TFRC: variants seen among roughly 807,000 people sequenced by gnomAD.
TFRC encodes the protein transferrin receptor protein 1.
TFRC carries 35 observed loss-of-function variants against 85.8 expected under a neutral mutation model. The ratio of observed to expected loss-of-function variants is 0.41; its 90% confidence interval spans 0.31 to 0.54. TFRC has a LOEUF of 0.54. TFRC is among the 20% of genes least tolerant of loss of function. The probability of loss-of-function intolerance (pLI) is 0.31; values close to 1 mark genes in which losing one functional copy is unlikely to be tolerated. For missense variants in TFRC, 828 were observed against 921.5 expected, an observed-to-expected ratio of 0.90 and a Z score of 1.31; for synonymous variants, 362 against 328.6, an observed-to-expected ratio of 1.10 and a Z score of -1.10.
intron 14 of TFRC, 96 bp from the exon 15 acceptor site, chr3:196,058,728 A>G: frequency 1.3e-6 from 1 of 762,758 alleles, no homozygotes; most frequent in Non-Finnish European, 2.0e-6. Flanking sequence ...TTTTAAATAA[A>G]AAACTTGTAT....
rs1426795526 is a variant in TFRC at position 196,052,200 on chromosome 3, A to G, written c.2041-16T>C. 6.2e-7 allele frequency: 1 copy of G among 1,611,090 alleles called. No individual in the cohort carries two copies. The highest frequency in any genetic ancestry group is 8.5e-7 in the Non-Finnish European group (1 of 1,178,292). On this transcript the variant is annotated splice_polypyrimidine_tract_variant and intron_variant, in intron 18 of 18. Coordinates refer to ENST00000360110, the MANE Select transcript of TFRC (RefSeq NM_001128148.3). Reference sequence around the variant, plus strand: ...GATACTCCACCTACGAAAACAACACACAAGGCAATTTACACAGCCCTGTGA... The same window carrying G: ...GATACTCCACCTACGAAAACAACACGCAAGGCAATTTACACAGCCCTGTGA...
intron 18 of TFRC, 24 bp from the exon 19 acceptor site, chr3:196,052,208 AT>A: frequency 6.2e-7 from 1 of 1,609,736 alleles, no homozygotes; most frequent in Non-Finnish European, 8.5e-7. Flanking sequence ...ACACAAGGCA[AT>A]TTACACAGCC....
intron 17 of TFRC, among the ~76,000 whole-genome samples, chr3:196,054,003 G>A (rs1453104182): frequency 6.6e-6 from 1 of 151,814 alleles, no homozygotes; most frequent in Non-Finnish European, 1.5e-5. Context: ...TTGGGAGGCC[G>A]AGGTGGGTGG....
chr3:196,055,054 A>C (rs1716655495), intron 17 of TFRC, 26 bp downstream of exon 17: 1 of 1,605,652 alleles, frequency 6.2e-7, no homozygotes, highest in African/African-American at 1.3e-5. Flanking sequence ...CAGCAAAATA[A>C]AAACGTAATT....
At chr3:196,072,938 A>C (rs147803635) in intron 4 of TFRC, 1 of 150,868 alleles carries the variant, frequency 6.6e-6, no homozygotes, top group East Asian at 2.0e-4. Context: ...GCAGTGCCTC[A>C]TCCTGTAATT....
intron 5 of TFRC, 105 bp from the exon 6 acceptor site, chr3:196,071,603 TC>T: frequency 8.8e-7 from 1 of 1,139,442 alleles, no homozygotes. Context: ...GAAATTTACC[TC>T]TAAATCTTAA....
rs41297483 is a variant in TFRC, at chr3:196,060,723, G to A, written c.1469-476C>T. 64 of 148,738 alleles carry A rather than the reference G, an allele frequency of 4.3e-4. No individual in the cohort carries two copies. The East Asian group carries it at 5.2e-3, about 12-fold the overall frequency. The allele number at this position is 148,738 out of a possible 1,614,324, so 9.2% of individuals were successfully genotyped here. A position where few individuals can be genotyped will look rare whatever the true frequency, so the allele number is the denominator to read the frequency against. On this transcript the variant is annotated intron_variant, in intron 13 of 18. Transcript: ENST00000360110. ...TGAGGCAGGAGAATGGCATGAACCC[G>A]GGAGGCGGAGCTTGCAGTGAGCTGG...
intron 2 of TFRC, among the ~76,000 whole-genome samples, chr3:196,076,337 C>CT (rs1718695092): frequency 6.6e-6 from 1 of 151,722 alleles, no homozygotes; most frequent in African/African-American, 2.4e-5. Flanking sequence ...TAGAGATGGG[C>CT]TTGCTATGTT....
chr3:196,077,616 G>T (rs891473884), intron 1 of TFRC, among the ~76,000 whole-genome samples: 2 of 152,200 alleles, frequency 1.3e-5, no homozygotes, highest in Middle Eastern at 3.4e-3. Context: ...GCCGGACGTG[G>T]TGGTGGGCGC....
chr3:196,065,435 G>GGGGGGGGGGTT lies in TFRC; in HGVS notation c.1198+7_1198+8insAACCCCCCCCC. 2 of 655,700 alleles carry GGGGGGGGGGTT rather than the reference G, an allele frequency of 3.1e-6. No individual in the cohort carries two copies. Among genetic ancestry groups the GGGGGGGGGGTT allele is most frequent in the Non-Finnish European group, 4.3e-6 (2 of 463,128 alleles). 40.6% of individuals were successfully genotyped at this position (655,700 alleles called of 1,614,324 possible). A position where few individuals can be genotyped will look rare whatever the true frequency, so the allele number is the denominator to read the frequency against. On this transcript the variant is annotated splice_region_variant and intron_variant, in intron 10 of 18. Transcript: ENST00000360110. ...AGCGGGGCGGGGGGGGGGGGGGGCG[G>GGGGGGGGGGTT]TCTTTACCTGGTTCTACAAAGCCTT...
Position 196,052,168 on chromosome 3 carries a change from A to G in TFRC, c.2057T>C (p.Leu686Pro). 1 of 1,613,968 alleles carries G rather than the reference A, an allele frequency of 6.2e-7. No homozygotes were observed. Among genetic ancestry groups the G allele is most frequent in the Non-Finnish European group, 8.5e-7 (1 of 1,179,914 alleles). ...DRVMRVEYHF[L>P]SPYVSPKESP... is the part of the protein sequence containing the mutation. ...CTCTTTTGGAGATACGTAGGGAGAG[A>G]GGAAGTGATACTCCACCTACGAAAA... is the stretch of plus-strand genomic sequence containing the variant. Residue 686 changes from leucine (L) to proline (P), a missense_variant, in exon 19 of 19, where the codon CTC becomes CCC. Leu to Pro is a moderately conservative substitution (Grantham distance 98). Transcript: ENST00000360110.
chr3:196,054,330 G>A (rs1051295289), intron 17 of TFRC, among the ~76,000 whole-genome samples: 3 of 152,166 alleles, frequency 2.0e-5, no homozygotes, highest in African/African-American at 4.8e-5. Flanking sequence ...GCTTAAAGCC[G>A]GGAGGTGGAG....
intron 10 of TFRC, among the ~76,000 whole-genome samples, chr3:196,065,101 A>G (rs1717603301): frequency 6.6e-6 from 1 of 152,022 alleles, no homozygotes; most frequent in Admixed American, 6.6e-5. Context: ...TGTCTCTACT[A>G]AAAATACAAA....
intron 16 of TFRC, among the ~76,000 whole-genome samples, chr3:196,056,639 T>A (rs990101046): frequency 6.6e-6 from 1 of 152,110 alleles, no homozygotes; most frequent in Non-Finnish European, 1.5e-5. Flanking sequence ...TGACCTCAAG[T>A]GATCTACCCG....
intron 13 of TFRC, among the ~76,000 whole-genome samples, chr3:196,061,476 A>G (rs1717276038): frequency 6.6e-6 from 1 of 152,062 alleles, no homozygotes. Flanking sequence ...GGGTTGCCAA[A>G]AAAAAAGCCC....
chr3:196,061,961 T>C (rs962377299), intron 13 of TFRC, among the ~76,000 whole-genome samples: 2 of 152,070 alleles, frequency 1.3e-5, no homozygotes, highest in Admixed American at 1.3e-4. Context: ...GACAGACTAT[T>C]TAAAGGAAGG....
intron 9 of TFRC, among the ~76,000 whole-genome samples, chr3:196,065,967 C>T (rs1293980492): frequency 6.8e-6 from 1 of 146,698 alleles, no homozygotes; most frequent in Admixed American, 7.0e-5. Flanking sequence ...CCAGCCTGGG[C>T]AACAGAGCAC....
At position 196,062,589 on chromosome 3, in the gene TFRC, C is replaced by G; in HGVS notation, c.1461G>C (p.Ala487=). ...AATGAAAGGGATACTTACCAAGAAC[C>G]GCTTTATCCAGATTAATATAAGTGA... ...KAFTYINLDK[A]VLGTSNFKVS... The change falls in exon 13 of 19, where the codon GCG becomes GCC. Residue 487 remains alanine, a synonymous_variant. Transcript: ENST00000360110. 6.2e-7 allele frequency: 1 copy of G among 1,607,004 alleles called. No individual in the cohort carries two copies. Among genetic ancestry groups the G allele is most frequent in the East Asian group, 2.2e-5 (1 of 44,874 alleles).
intron 10 of TFRC, 106 bp from the exon 11 acceptor site, chr3:196,064,534 G>A (rs763117769): frequency 1.9e-5 from 19 of 991,546 alleles, no homozygotes; most frequent in East Asian, 3.1e-5. Context: ...TATGTATTAA[G>A]GATAAAAGAG....
Sources: allele counts gnomAD v4.1 joint callset (sites outside exome capture counted in the v4.1 genomes callset), GRCh38; gene constraint gnomAD v4.1.1; transcripts MANE v1.5; gene names NCBI Gene and HGNC (gene_info 2026-07-23, HGNC 2026-07-21).